GABRR3: variants seen among roughly 807,000 people sequenced by gnomAD.
The protein encoded by GABRR3 is gamma-aminobutyric acid receptor subunit rho-3.
In GABRR3, 29 loss-of-function variants were observed where a neutral mutation model predicts 43.2. That is an observed-to-expected ratio of 0.67 (90% CI 0.50 to 0.92). GABRR3 has a LOEUF of 0.92. Among genes scored for constraint, GABRR3 ranks in the 40% least tolerant of loss-of-function variants. The pLI is 0.00. For synonymous variants in GABRR3, 206 were observed against 195.9 expected, an observed-to-expected ratio of 1.05 and a Z score of -0.43; for missense variants, 576 against 572.3, an observed-to-expected ratio of 1.01 and a Z score of -0.07.
chr3:98,030,892 G>T (rs570440512), intron 2 of GABRR3, among the ~76,000 whole-genome samples: 70 of 152,244 alleles, frequency 4.6e-4, no homozygotes, highest in Non-Finnish European at 5.9e-4. Flanking sequence ...GTTCTATTAG[G>T]CTATATACAT....
chr3:97,995,095 C>T (rs957345626), intron 8 of GABRR3, among the ~76,000 whole-genome samples: 2 of 152,096 alleles, frequency 1.3e-5, no homozygotes. Flanking sequence ...TCTCCTGCCT[C>T]AGCCTCCTGA....
intron 8 of GABRR3, among the ~76,000 whole-genome samples, chr3:97,994,616 T>C (rs886813264): frequency 6.6e-6 from 1 of 152,236 alleles, no homozygotes; most frequent in Admixed American, 6.5e-5. Context: ...TGGAATTTTA[T>C]TAAGCATGGA....
chr3:98,015,918 A>G (rs1706866833), intron 4 of GABRR3, among the ~76,000 whole-genome samples: 1 of 152,172 alleles, frequency 6.6e-6, no homozygotes, highest in African/African-American at 2.4e-5. Context: ...TGTGTAATTT[A>G]TAAAGAAAAG....
intron 5 of GABRR3, among the ~76,000 whole-genome samples, chr3:98,010,351 T>C (rs902917692): frequency 6.6e-6 from 1 of 152,162 alleles, no homozygotes; most frequent in Non-Finnish European, 1.5e-5. Flanking sequence ...CTGGGGACAT[T>C]ATCAACTAAG....
chr3:98,022,611 G>T (rs1706961364), intron 3 of GABRR3, among the ~76,000 whole-genome samples: 1 of 152,208 alleles, frequency 6.6e-6, no homozygotes, highest in Non-Finnish European at 1.5e-5. Flanking sequence ...ACCAAGACAG[G>T]CAAGAGAAGG....
chr3:98,025,688 C>A lies in GABRR3; in HGVS notation c.126-9G>T, dbSNP rs750074550. ...TTCTAGTTTCTTGTTTGCTGTTCCC[C>A]CAAAGGGAAAAAAAAAACTTCTGAG... is the stretch of plus-strand genomic sequence containing the variant. On this transcript the variant is annotated splice_polypyrimidine_tract_variant and intron_variant, in intron 2 of 9. Coordinates refer to ENST00000621172, the Ensembl canonical transcript of GABRR3. The A allele has an allele frequency of 1.2e-5, 19 of 1,583,084 alleles. No homozygotes were observed. The highest frequency in any genetic ancestry group is 3.7e-5 in the Admixed American group (2 of 54,310).
chr3:97,991,388 G>A (rs922658750), intron 9 of GABRR3, among the ~76,000 whole-genome samples: 1 of 152,104 alleles, frequency 6.6e-6, no homozygotes, highest in Non-Finnish European at 1.5e-5. Context: ...AGAGTTTAAC[G>A]AGGACCCGGG....
intron 3 of GABRR3, among the ~76,000 whole-genome samples, chr3:98,018,938 C>T (rs927861895): frequency 2.0e-5 from 3 of 151,806 alleles, no homozygotes; most frequent in East Asian, 1.9e-4. Flanking sequence ...GGTGAAACCC[C>T]GTCTCTACTA....
intron 3 of GABRR3, among the ~76,000 whole-genome samples, chr3:98,019,500 C>T (rs1198627314): frequency 1.3e-5 from 2 of 152,192 alleles, no homozygotes; most frequent in East Asian, 3.8e-4. Flanking sequence ...ATTCCTGCTT[C>T]AGGCTTCTGG....
chr3:98,026,135 G>A (rs935548323), intron 2 of GABRR3, among the ~76,000 whole-genome samples: 9 of 152,126 alleles, frequency 5.9e-5, no homozygotes, highest in Admixed American at 3.3e-4. Context: ...CGAAGACAGC[G>A]AGAAAACGAA....
intron 9 of GABRR3, among the ~76,000 whole-genome samples, chr3:97,989,218 A>G (rs1706430420): frequency 7.6e-6 from 1 of 132,384 alleles, no homozygotes; most frequent in African/African-American, 2.9e-5. Context: ...GTGTTGGTGG[A>G]TGGTGGTGGT....
At position 98,015,349 on chromosome 3, in the gene GABRR3, C is replaced by T. The variant is rs190947834; in HGVS notation, c.306+2306G>A. Among the ~76,000 whole-genome samples, 90 of 152,266 alleles carry T rather than the reference C, an allele frequency of 5.9e-4. 1 individual carries two copies. Among genetic ancestry groups the T allele is most frequent in the Non-Finnish European group, 4.3e-4 (29 of 68,024 alleles). On this transcript the variant is annotated intron_variant, in intron 4 of 9. Transcript: ENST00000621172. ...CTGGGACTACAGGGATGTGCCACCA[C>T]ACCCAGCTAATTTTTTTTGTATTTT...
At chr3:98,009,038 C>G in exon 6 of GABRR3, 1 of 1,597,432 alleles carries the variant, frequency 6.3e-7, no homozygotes, top group South Asian at 1.1e-5. Flanking sequence ...AAACCGTTAT[C>G]CTATAAAAAG....
At chr3:98,033,891 G>T (rs1177524661) in intron 2 of GABRR3, among the ~76,000 whole-genome samples, 1 of 152,116 alleles carries the variant, frequency 6.6e-6, no homozygotes, top group African/African-American at 2.4e-5. Context: ...CAGTAATCTA[G>T]TAACACACTT....
intron 3 of GABRR3, 109 bp downstream of exon 3, chr3:98,025,458 T>A (rs375218661): frequency 2.2e-5 from 14 of 635,240 alleles, no homozygotes; most frequent in Non-Finnish European, 3.5e-5. Context: ...CTTCTTTTTT[T>A]GTTTTAAACT....
At chr3:98,008,809 A>T in intron 6 of GABRR3, 147 bp downstream of exon 6, 1 of 419,466 alleles carries the variant, frequency 2.4e-6, no homozygotes, top group Non-Finnish European at 4.2e-6. Context: ...AAAAAAAAAA[A>T]AAAAAAAAAG....
chr3:98,025,695 G>GAA lies in GABRR3; in HGVS notation c.126-18_126-17dup. 24 of 1,449,134 alleles carry GAA rather than the reference G, an allele frequency of 1.7e-5. No individual in the cohort carries two copies. The highest frequency in any genetic ancestry group is 6.3e-5 in the Admixed American group (3 of 47,508). 89.8% of individuals were successfully genotyped at this position (1,449,134 alleles called of 1,614,324 possible). ...TTCTTGTTTGCTGTTCCCCCAAAGG[G>GAA]AAAAAAAAAACTTCTGAGATACATA... On this transcript the variant is annotated splice_polypyrimidine_tract_variant and intron_variant, in intron 2 of 9. Coordinates refer to ENST00000621172, the Ensembl canonical transcript of GABRR3.
intron 8 of GABRR3, among the ~76,000 whole-genome samples, chr3:97,995,065 G>A (rs1278501675): frequency 3.3e-5 from 5 of 151,666 alleles, no homozygotes; most frequent in Non-Finnish European, 5.9e-5. Flanking sequence ...TGCAACCTCC[G>A]CCTCCTGGGT....
intron 3 of GABRR3, among the ~76,000 whole-genome samples, chr3:98,022,479 C>T (rs752170943): frequency 6.6e-6 from 1 of 152,130 alleles, no homozygotes; most frequent in African/African-American, 2.4e-5. Context: ...GTTTGTGTTG[C>T]GGACAAGCAT....
Sources: allele counts gnomAD v4.1 joint callset (sites outside exome capture counted in the v4.1 genomes callset), GRCh38; gene constraint gnomAD v4.1.1; transcripts MANE v1.5; gene names NCBI Gene and HGNC (gene_info 2026-07-23, HGNC 2026-07-21).